Variants in TULP4 observed in about 807,000 individuals in gnomAD.
The protein encoded by TULP4 is tubby-related protein 4.
Under a neutral mutation model 129.0 loss-of-function variants are expected in TULP4, and 16 were observed. The ratio of observed to expected loss-of-function variants is 0.12; its 90% confidence interval spans 0.08 to 0.19. TULP4 has a LOEUF of 0.19. TULP4 is among the 10% of genes least tolerant of loss of function. The probability of loss-of-function intolerance (pLI) is 1.00; values close to 1 mark genes in which losing one functional copy is unlikely to be tolerated. For synonymous variants in TULP4, 998 were observed against 854.0 expected, an observed-to-expected ratio of 1.17 and a Z score of -2.94; for missense variants, 1,842 against 2,059.1, an observed-to-expected ratio of 0.89 and a Z score of 2.04.
rs1189540945 is a variant in TULP4 at position 158,331,956 on chromosome 6, G to A, written c.252+17688G>A. 3.4e-5 allele frequency among the ~76,000 whole-genome samples: 5 copies of A among 148,180 alleles called. No individual in the cohort carries two copies. The East Asian group carries it at 6.0e-4, about 18-fold the overall frequency. On this transcript the variant is annotated intron_variant, in intron 1 of 13. Coordinates refer to ENST00000367097, the MANE Select transcript of TULP4 (RefSeq NM_020245.5). Reference sequence around the variant, plus strand: ...GGAGGCTGAGGTGGGCGGATTACCCGAGGTCAGGAATTCGACACCAGCCTG... The same window carrying A: ...GGAGGCTGAGGTGGGCGGATTACCCAAGGTCAGGAATTCGACACCAGCCTG...
At chr6:158,448,113 C>G (rs1404568463) in intron 3 of TULP4, among the ~76,000 whole-genome samples, 2 of 152,106 alleles carry the variant, frequency 1.3e-5, no homozygotes, top group Non-Finnish European at 2.9e-5. Flanking sequence ...GTGAGGTGCT[C>G]CTTTGCTGCT....
At chr6:158,310,985 T>G (rs182437342), upstream of TULP4, among the ~76,000 whole-genome samples, 474 of 152,304 alleles carry the variant, frequency 3.1e-3, 1 homozygote, top group Non-Finnish European at 4.8e-3. Flanking sequence ...TTTTTTAATC[T>G]ATGACTACTG....
exon 1 of TULP4, chr6:158,232,253 G>A (rs1168660030): frequency 6.7e-6 from 1 of 148,804 alleles, no homozygotes; most frequent in East Asian, 1.9e-4. Flanking sequence ...GGCTGCTGGA[G>A]GCGGAGAGGC....
intron 1 of TULP4, among the ~76,000 whole-genome samples, chr6:158,373,794 C>T (rs1250190350): frequency 6.6e-6 from 1 of 152,142 alleles, no homozygotes; most frequent in African/African-American, 2.4e-5. Context: ...TTAATATATT[C>T]AGCAAATGTT....
At chr6:158,373,648 G>T (rs910251014) in intron 1 of TULP4, among the ~76,000 whole-genome samples, 1 of 152,096 alleles carries the variant, frequency 6.6e-6, no homozygotes, top group Non-Finnish European at 1.5e-5. Flanking sequence ...GTGACCTTAG[G>T]TATCTGAAAG....
chr6:158,246,796 G>T (rs538859195), intron 1 of TULP4, among the ~76,000 whole-genome samples: 2 of 152,082 alleles, frequency 1.3e-5, no homozygotes, highest in African/African-American at 4.8e-5. Context: ...CTATACTTAT[G>T]TGGTGTCAAG....
chr6:158,433,914 C>T (rs927798311), intron 3 of TULP4, among the ~76,000 whole-genome samples: 16 of 151,534 alleles, frequency 1.1e-4, no homozygotes, highest in Admixed American at 5.3e-4. Context: ...ACAGACTGGG[C>T]GGTTTCAACA....
intron 1 of TULP4, among the ~76,000 whole-genome samples, chr6:158,276,721 G>A (rs1198422606): frequency 6.6e-6 from 1 of 152,044 alleles, no homozygotes; most frequent in Non-Finnish European, 1.5e-5. Context: ...GGGAAGTGGT[G>A]GGTGCAAACC....
Position 158,489,619 on chromosome 6 carries a change from T to C in TULP4, c.1518T>C (p.Thr506=), listed in dbSNP as rs778148189. Reference sequence around the variant, plus strand: ...TCTATGGGAACAGCTTGATTTCTACTGTGATCGACAGCTGCAACTGCTCAG... The same window carrying C: ...TCTATGGGAACAGCTTGATTTCTACCGTGATCGACAGCTGCAACTGCTCAG... The part of the protein sequence containing the change: ...DEIYGNSLIS[T]VIDSCNCSDS... The change falls in exon 9 of 14, where the codon ACT becomes ACC. Residue 506 remains threonine (T), a synonymous_variant. Coordinates refer to ENST00000367097, the MANE Select transcript of TULP4 (RefSeq NM_020245.5). 1.9e-6 allele frequency: 3 copies of C among 1,614,252 alleles called. No homozygotes were observed. The highest frequency in any genetic ancestry group is 2.2e-5 in the South Asian group (2 of 91,082).
intron 8 of TULP4, among the ~76,000 whole-genome samples, chr6:158,485,602 T>G (rs1780048046): frequency 6.6e-6 from 1 of 152,218 alleles, no homozygotes; most frequent in Admixed American, 6.5e-5. Flanking sequence ...CAGAGATCAT[T>G]AGGTCCACCT....
At chr6:158,319,848 T>A (rs1244264716) in intron 1 of TULP4, among the ~76,000 whole-genome samples, 1 of 152,166 alleles carries the variant, frequency 6.6e-6, no homozygotes, top group East Asian at 1.9e-4. Context: ...TTTGCCAGAG[T>A]TAAACATATA....
chr6:158,317,299 A>G (rs1427275651), intron 1 of TULP4, among the ~76,000 whole-genome samples: 1 of 151,814 alleles, frequency 6.6e-6, no homozygotes, highest in Non-Finnish European at 1.5e-5. Context: ...TATTTCTTCT[A>G]ATGCTATTCC....
At chr6:158,277,700 G>A (rs773446882), upstream of TULP4, among the ~76,000 whole-genome samples, 1 of 152,054 alleles carries the variant, frequency 6.6e-6, no homozygotes, top group African/African-American at 2.4e-5. Context: ...TGGCCTGGAG[G>A]GTAACTTTTG....
intron 1 of TULP4, among the ~76,000 whole-genome samples, chr6:158,343,385 G>A (rs1262212330): frequency 6.6e-6 from 1 of 152,164 alleles, no homozygotes; most frequent in East Asian, 1.9e-4. Flanking sequence ...GTAATGCAGG[G>A]AAGGGAATGG....
At chr6:158,252,522 C>T (rs566813372) in intron 1 of TULP4, among the ~76,000 whole-genome samples, 5 of 152,154 alleles carry the variant, frequency 3.3e-5, no homozygotes, top group African/African-American at 1.2e-4. Context: ...ACTAAACGTG[C>T]GCACCACCAT....
At chr6:158,426,771 T>A (rs1026309188) in intron 2 of TULP4, among the ~76,000 whole-genome samples, 3 of 152,234 alleles carry the variant, frequency 2.0e-5, no homozygotes, top group Non-Finnish European at 4.4e-5. Context: ...TCATTGGTAG[T>A]TTGATAGGAA....
chr6:158,284,247 C>T (rs1468898946), intron 1 of TULP4, among the ~76,000 whole-genome samples: 1 of 152,176 alleles, frequency 6.6e-6, no homozygotes, highest in Non-Finnish European at 1.5e-5. Context: ...ACAAAAACAT[C>T]CATCAGCAAA....
chr6:158,245,574 G>GA (rs1778013210), intron 1 of TULP4, among the ~76,000 whole-genome samples: 1 of 152,066 alleles, frequency 6.6e-6, no homozygotes, highest in Non-Finnish European at 1.5e-5. Flanking sequence ...CTTCTACCCA[G>GA]AAAGTCCACA....
At chr6:158,409,291 A>G (rs889897780) in intron 1 of TULP4, among the ~76,000 whole-genome samples, 1 of 152,206 alleles carries the variant, frequency 6.6e-6, no homozygotes, top group East Asian at 1.9e-4. Context: ...AAATGAGAGA[A>G]CATGTCTTAT....
Sources: allele counts gnomAD v4.1 joint callset (sites outside exome capture counted in the v4.1 genomes callset), GRCh38; gene constraint gnomAD v4.1.1; transcripts MANE v1.5; gene names NCBI Gene and HGNC (gene_info 2026-07-23, HGNC 2026-07-21).